Variants in CLVS1 observed in about 807,000 individuals in gnomAD.
CLVS1 encodes the protein clavesin 1.
Under a neutral mutation model 33.1 loss-of-function variants are expected in CLVS1, and 10 were observed. That is an observed-to-expected ratio of 0.30 (90% CI 0.19 to 0.51). The LOEUF is 0.51. Ranked by LOEUF, CLVS1 falls within the 20% of genes least tolerant of loss-of-function variation. CLVS1 has a pLI of 0.97. For missense variants in CLVS1, 343 were observed against 433.4 expected, an observed-to-expected ratio of 0.79 and a Z score of 1.85; for synonymous variants, 163 against 166.1, an observed-to-expected ratio of 0.98 and a Z score of 0.14.
the CLVS1 span, among the ~76,000 whole-genome samples, chr8:61,042,626 G>A: frequency 9.2e-6 from 1 of 109,264 alleles, no homozygotes; most frequent in Non-Finnish European, 1.7e-5. Flanking sequence ...ATTCTGGGGA[G>A]ATAGAAACAT....
intron 2 of CLVS1, among the ~76,000 whole-genome samples, chr8:61,154,979 GGT>G (rs1284771729): frequency 6.6e-6 from 1 of 152,188 alleles, no homozygotes; most frequent in Non-Finnish European, 1.5e-5. Context: ...CATGTGAGTA[GGT>G]GTGTGTGCGT....
chr8:61,182,804 C>A (rs1807264971), intron 2 of CLVS1, among the ~76,000 whole-genome samples: 2 of 152,070 alleles, frequency 1.3e-5, no homozygotes, highest in South Asian at 4.2e-4. Context: ...CAGGTATATA[C>A]CCAAAGGATT....
At chr8:61,079,944 G>A (rs1313593298) in intron 1 of CLVS1, among the ~76,000 whole-genome samples, 1 of 152,176 alleles carries the variant, frequency 6.6e-6, no homozygotes, top group African/African-American at 2.4e-5. Context: ...TTACCCTAGT[G>A]GCTAAGAATA....
At chr8:61,149,551 CAA>C (rs1166606940) in intron 2 of CLVS1, among the ~76,000 whole-genome samples, 15 of 51,982 alleles carry the variant, frequency 2.9e-4, no homozygotes, top group Admixed American at 6.7e-4. Context: ...GACTCTGTCT[CAA>C]AAAAAAAAAA....
chr8:61,214,511 T>C (rs1279231079), intron 2 of CLVS1, among the ~76,000 whole-genome samples: 1 of 152,166 alleles, frequency 6.6e-6, no homozygotes, highest in Non-Finnish European at 1.5e-5. Context: ...GACATAGATA[T>C]GCACACAGGG....
At chr8:61,394,899 T>C (rs1178321801) in intron 3 of CLVS1, among the ~76,000 whole-genome samples, 1 of 152,220 alleles carries the variant, frequency 6.6e-6, no homozygotes, top group East Asian at 1.9e-4. Flanking sequence ...TAATATCTCA[T>C]TGTGGTTTTA....
At chr8:61,351,812 A>G (rs1812477423) in intron 2 of CLVS1, among the ~76,000 whole-genome samples, 1 of 152,116 alleles carries the variant, frequency 6.6e-6, no homozygotes, top group African/African-American at 2.4e-5. Context: ...ATAGCTGTCA[A>G]CTGTGACTTC....
intron 1 of CLVS1, among the ~76,000 whole-genome samples, chr8:61,079,789 G>GA (rs58456052): frequency 0.43 from 64,196 of 149,752 alleles, 14,397 homozygotes; most frequent in East Asian, 0.62. Context: ...AAGCCATTAG[G>GA]AAAAAAAAAA....
chr8:61,319,047 A>T (rs1238587174), intron 2 of CLVS1, among the ~76,000 whole-genome samples: 1 of 152,142 alleles, frequency 6.6e-6, no homozygotes, highest in Non-Finnish European at 1.5e-5. Context: ...TATTTTAAAC[A>T]TACATATTTT....
At chr8:61,326,978 AT>A (rs1264842269) in intron 2 of CLVS1, among the ~76,000 whole-genome samples, 18 of 152,264 alleles carry the variant, frequency 1.2e-4, no homozygotes, top group African/African-American at 4.3e-4. Context: ...CAGCTAAAGG[AT>A]TTTCGATTTG....
At chr8:61,451,623 T>G (rs971884044) in intron 3 of CLVS1, among the ~76,000 whole-genome samples, 1 of 152,118 alleles carries the variant, frequency 6.6e-6, no homozygotes, top group African/African-American at 2.4e-5. Flanking sequence ...GAAATGCTCT[T>G]CCAGGAGGGC....
At chr8:61,053,518 T>C (rs1804421697), upstream of CLVS1, among the ~76,000 whole-genome samples, 1 of 152,262 alleles carries the variant, frequency 6.6e-6, no homozygotes, top group African/African-American at 2.4e-5. Context: ...GGGGCTATTG[T>C]TAAGCCCCAT....
chr8:61,466,275 A>G (rs145537668), intron 5 of CLVS1, among the ~76,000 whole-genome samples: 1 of 152,198 alleles, frequency 6.6e-6, no homozygotes, highest in Non-Finnish European at 1.5e-5. Context: ...TGACTGCAGG[A>G]GTGTTATTCT....
chr8:61,433,255 G>C (rs929829923), intron 3 of CLVS1, among the ~76,000 whole-genome samples: 3 of 152,244 alleles, frequency 2.0e-5, no homozygotes, highest in African/African-American at 4.8e-5. Context: ...GGCCAGACCA[G>C]TGGTTGCATT....
intron 2 of CLVS1, among the ~76,000 whole-genome samples, chr8:61,252,242 A>G (rs1417519833): frequency 6.6e-6 from 1 of 152,170 alleles, no homozygotes; most frequent in Non-Finnish European, 1.5e-5. Context: ...TGAGTTTCTT[A>G]GTACTGAGTT....
intron 2 of CLVS1, among the ~76,000 whole-genome samples, chr8:61,358,926 C>T (rs1191725044): frequency 1.3e-5 from 2 of 152,118 alleles, no homozygotes; most frequent in African/African-American, 4.8e-5. Context: ...GAAGCATACG[C>T]AGCTATCTCA....
At chr8:61,288,671 T>C (rs1469960233) in intron 1 of CLVS1, among the ~76,000 whole-genome samples, 2 of 152,144 alleles carry the variant, frequency 1.3e-5, no homozygotes, top group African/African-American at 2.4e-5. Flanking sequence ...GTCTGTTTAG[T>C]TGAGGAAATT....
chr8:61,281,884 T>A (rs1809677557), intron 2 of CLVS1, among the ~76,000 whole-genome samples: 1 of 152,226 alleles, frequency 6.6e-6, no homozygotes, highest in Non-Finnish European at 1.5e-5. Flanking sequence ...TCCAAGTGAC[T>A]GGCTTGCCAA....
chr8:61,138,470 G>A (rs1241318347), intron 2 of CLVS1, among the ~76,000 whole-genome samples: 2 of 152,188 alleles, frequency 1.3e-5, no homozygotes, highest in African/African-American at 4.8e-5. Flanking sequence ...TAGCTAAAAT[G>A]TCTTGAGTGC....
Sources: gnomAD v4.1 joint callset for allele counts (sites outside exome capture counted in the v4.1 genomes callset) on GRCh38, gnomAD v4.1.1 for gene constraint, MANE v1.5 for transcripts, NCBI Gene and HGNC (gene_info 2026-07-23, HGNC 2026-07-21) for gene names.